The following WDR62 variants were observed in gnomAD, a reference collection of about 807,000 sequenced individuals.
The protein encoded by WDR62 is WD repeat-containing protein 62.
A neutral mutation model predicts 160.6 loss-of-function variants in WDR62; 112 were observed. The observed-to-expected ratio is 0.70, with a 90% CI of 0.60 to 0.82. WDR62 has a LOEUF of 0.82. WDR62 is among the 40% of genes least tolerant of loss of function. WDR62 has a pLI of 0.00. For synonymous variants in WDR62, 792 were observed against 815.1 expected, an observed-to-expected ratio of 0.97 and a Z score of 0.48; for missense variants, 1,819 against 1,983.8, an observed-to-expected ratio of 0.92 and a Z score of 1.58.
intron 22 of WDR62, among the ~76,000 whole-genome samples, chr19:36,100,225 T>C (rs1444899980): frequency 1.3e-5 from 2 of 152,238 alleles, no homozygotes; most frequent in Non-Finnish European, 2.9e-5. Flanking sequence ...CCCGTGCAAC[T>C]TTAGCTCTTT....
chr19:36,058,909 G>C (rs896678201), intron 2 of WDR62, 38 bp downstream of exon 2: 5 of 1,559,956 alleles, frequency 3.2e-6, no homozygotes, highest in Non-Finnish European at 4.4e-6. Flanking sequence ...ATCATTGCTA[G>C]GGAATTTGGA....
intron 18 of WDR62, among the ~76,000 whole-genome samples, chr19:36,091,876 C>T (rs1327529009): frequency 1.4e-5 from 2 of 148,132 alleles, no homozygotes; most frequent in Non-Finnish European, 3.0e-5. Flanking sequence ...AGCAAGACCC[C>T]GTCTCAAAAA....
Position 36,060,016 on chromosome 19 carries a change from C to A in WDR62, c.318C>A (p.Ile106=), listed in dbSNP as rs762897293. The change falls in exon 3 of 32, where the codon ATC becomes ATA. Residue 106 remains isoleucine (I), a synonymous_variant. Coordinates refer to ENST00000401500, the MANE Select transcript of WDR62 (RefSeq NM_001083961.2). ...LDPKENKQQH[I]FNTARKSLSA... The stretch of plus-strand genomic sequence containing the variant: ...CCAAGGAGAACAAGCAGCAGCACAT[C>A]TTTAACACCGCCAGGTAGGCTGAGG... 7 of 1,614,100 alleles carry A rather than the reference C, an allele frequency of 4.3e-6. No homozygotes were observed. The highest frequency in any genetic ancestry group is 4.0e-5 in the African/African-American group (3 of 74,942).
At chr19:36,070,817 G>A (rs1334127396) in intron 7 of WDR62, 1 of 152,326 alleles carries the variant, frequency 6.6e-6, no homozygotes, top group Admixed American at 6.5e-5. Context: ...GCACTTCCTA[G>A]TAGGATAGAC....
chr19:36,081,717 C>A, intron 10 of WDR62, 147 bp downstream of exon 10: 1 of 946,618 alleles, frequency 1.1e-6, no homozygotes, highest in Non-Finnish European at 1.7e-6. Context: ...TCCCTCTCTG[C>A]ATCACTGCCT....
At position 36,090,327 on chromosome 19, in the gene WDR62, A is replaced by G. The variant is rs951251310; in HGVS notation, c.1959-118A>G. On this transcript the variant is annotated intron_variant, in intron 15 of 31. Coordinates refer to ENST00000401500, the MANE Select transcript of WDR62 (RefSeq NM_001083961.2). ...GGGTTTCAGTTTCAGTCTAGGCATC[A>G]GATGGGGACAAGAGGTAGCAGGGGG... The G allele has an allele frequency of 9.9e-6, 9 of 905,950 alleles. No individual in the cohort carries two copies. In the East Asian group the frequency reaches 2.2e-4, roughly 22 times the overall value. 56.1% of individuals were successfully genotyped at this position (905,950 alleles called of 1,614,324 possible). A position where few individuals can be genotyped will look rare whatever the true frequency, so the allele number is the denominator to read the frequency against.
chr19:36,071,942 A>G (rs1444974985), intron 8 of WDR62, among the ~76,000 whole-genome samples: 1 of 152,368 alleles, frequency 6.6e-6, no homozygotes, highest in Middle Eastern at 3.4e-3. Context: ...AAACAAAGGA[A>G]TAATATCATT....
downstream of WDR62, among the ~76,000 whole-genome samples, chr19:36,110,050 G>A (rs976066281): frequency 6.0e-5 from 9 of 149,720 alleles, no homozygotes; most frequent in African/African-American, 1.7e-4. Context: ...GCAAAACTCC[G>A]CCTCAAAAAA....
At position 36,100,807 on chromosome 19, in the gene WDR62, A is replaced by G; in HGVS notation, c.2799A>G (p.Glu933=). 1 of 1,614,226 alleles carries G rather than the reference A, an allele frequency of 6.2e-7. No individual in the cohort carries two copies. Among genetic ancestry groups the G allele is most frequent in the Non-Finnish European group, 8.5e-7 (1 of 1,180,020 alleles). Residue 933 remains glutamate (E), a synonymous_variant, in exon 23 of 32, where the codon GAA becomes GAG. Coordinates refer to ENST00000401500, the MANE Select transcript of WDR62 (RefSeq NM_001083961.2). The part of the protein sequence containing the change: ...GHPSFLPQQK[E]SSEASELILY... ...CCTCCTTCCTGCCCCAGCAGAAGGA[A>G]TCATCTGAGGCCAGTGAGCTCATCC...
intron 7 of WDR62, among the ~76,000 whole-genome samples, chr19:36,069,040 C>T (rs996844968): frequency 1.1e-4 from 16 of 151,820 alleles, no homozygotes; most frequent in African/African-American, 3.6e-4. Flanking sequence ...TGACCCCCAC[C>T]TCCCTCCTGG....
chr19:36,068,143 T>C, intron 7 of WDR62, 133 bp downstream of exon 7: 1 of 1,149,890 alleles, frequency 8.7e-7, no homozygotes, highest in Non-Finnish European at 1.3e-6. Flanking sequence ...CTCTCTGAGC[T>C]TAAGGTTCCA....
At chr19:36,104,740 C>T (rs1973638478) in intron 31 of WDR62, 28 bp from the exon 32 acceptor site, 1 of 1,613,822 alleles carries the variant, frequency 6.2e-7, no homozygotes, top group South Asian at 1.1e-5. Context: ...GCCTTGGTGG[C>T]CCCTGACAAG....
chr19:36,067,485 G>T, intron 6 of WDR62, 42 bp downstream of exon 6: 1 of 1,613,182 alleles, frequency 6.2e-7, no homozygotes, highest in Non-Finnish European at 8.5e-7. Context: ...CCCTGAGGGA[G>T]TCACCATCGG....
intron 3 of WDR62, among the ~76,000 whole-genome samples, chr19:36,064,525 C>G (rs914034568): frequency 1.3e-5 from 2 of 152,120 alleles, no homozygotes; most frequent in Non-Finnish European, 2.9e-5. Context: ...GTGATCTGCC[C>G]ACCTCAGCCT....
At chr19:36,099,879 G>C (rs1056023685) in intron 22 of WDR62, among the ~76,000 whole-genome samples, 4 of 151,602 alleles carry the variant, frequency 2.6e-5, no homozygotes, top group Non-Finnish European at 5.9e-5. Flanking sequence ...TGGGTAGATC[G>C]AGCCCTGACC....
chr19:36,103,739 C>T lies in WDR62; in HGVS notation c.3911C>T (p.Ala1304Val), dbSNP rs2145879939. 6.2e-7 allele frequency: 1 copy of T among 1,611,472 alleles called. No individual in the cohort carries two copies. Among genetic ancestry groups the T allele is most frequent in the South Asian group, 1.1e-5 (1 of 91,070 alleles). Residue 1304 changes from alanine (A) to valine (V), a missense_variant, in exon 30 of 32, where the codon GCC (alanine) becomes GTC (valine). Physicochemically the swap from Ala to Val is moderately conservative, Grantham distance 64. Around this residue, in one of 3 missense-constraint regions of WDR62, gnomAD observed 770 missense variants for 734.2 expected, o/e 1.05. Coordinates refer to ENST00000401500, the MANE Select transcript of WDR62 (RefSeq NM_001083961.2). ...AACCTGAGACTGACCCTGTCAAGTGCCTGTGATGGGCTCCTGCAGCCCCCC... is the reference window on the plus strand; with the variant it reads ...AACCTGAGACTGACCCTGTCAAGTGTCTGTGATGGGCTCCTGCAGCCCCCC... ...RANLRLTLSS[A>V]CDGLLQPPVD...
chr19:36,101,117 AGCAGCGGGTACAGGTGCCTAGGG>A, intron 23 of WDR62, 74 bp from the exon 24 acceptor site: 2 of 1,256,466 alleles, frequency 1.6e-6, no homozygotes, highest in Non-Finnish European at 2.3e-6. Flanking sequence ...CTCCTGCAGG[AGCAGCGGGTACAGGTGCCTAGGG>A]GCTCCGGGTG....
rs59105883 is a variant in WDR62, at chr19:36,088,765, G to A, written c.1769-273G>A. Among the ~76,000 whole-genome samples the A allele has an allele frequency of 8.7e-3, 1,319 of 152,340 alleles. 21 individuals carry two copies. The highest frequency in any genetic ancestry group is 0.03 in the African/African-American group (1,255 of 41,564). On this transcript the variant is annotated intron_variant, in intron 13 of 31. Coordinates refer to ENST00000401500, the MANE Select transcript of WDR62 (RefSeq NM_001083961.2). ...AAGTCACCTATCTCAATCCCAGACT[G>A]GAGAGGGTGTCCCTTCTTTGTCCCC... is the stretch of plus-strand genomic sequence containing the variant.
At chr19:36,064,236 G>A (rs1035130721) in intron 3 of WDR62, among the ~76,000 whole-genome samples, 1 of 152,152 alleles carries the variant, frequency 6.6e-6, no homozygotes, top group East Asian at 1.9e-4. Context: ...GTCCAGAGGT[G>A]GGCAGCCCAG....
Sources: gnomAD v4.1 joint callset for allele counts (sites outside exome capture counted in the v4.1 genomes callset) on GRCh38, gnomAD v4.1.1 for gene constraint, gnomAD v4.1.1 regional missense constraint, MANE v1.5 for transcripts, NCBI Gene and HGNC (gene_info 2026-07-23, HGNC 2026-07-21) for gene names.